NLRP14: variants seen among roughly 807,000 people sequenced by gnomAD.
NLRP14 encodes the protein NACHT, LRR and PYD domains-containing protein 14.
NLRP14 carries 105 observed loss-of-function variants against 94.7 expected under a neutral mutation model. That is an observed-to-expected ratio of 1.11 (90% CI 0.95 to 1.30). The LOEUF is 1.30. Among genes scored for constraint, NLRP14 ranks in the 50% most tolerant of loss-of-function variants. NLRP14 has a pLI of 0.00. For missense variants in NLRP14, 1,362 were observed against 1,254.1 expected, an observed-to-expected ratio of 1.09 and a Z score of -1.30; for synonymous variants, 508 against 459.9, an observed-to-expected ratio of 1.10 and a Z score of -1.34.
chr11:7,058,138 T>C (rs1852547023), intron 7 of NLRP14, 142 bp from the exon 8 acceptor site: 1 of 723,856 alleles, frequency 1.4e-6, no homozygotes, highest in East Asian at 2.6e-5. Context: ...TGCAATGGAA[T>C]TCGTAATTTA....
downstream of NLRP14, among the ~76,000 whole-genome samples, chr11:7,074,696 G>A (rs1387654283): frequency 6.6e-6 from 1 of 152,182 alleles, no homozygotes; most frequent in Non-Finnish European, 1.5e-5. Flanking sequence ...TGAGGCATAA[G>A]TCTCAAATCA....
At chr11:7,037,708 G>A (rs1158930176) in intron 1 of NLRP14, among the ~76,000 whole-genome samples, 1 of 152,190 alleles carries the variant, frequency 6.6e-6, no homozygotes, top group Non-Finnish European at 1.5e-5. Flanking sequence ...AACTGTCACC[G>A]AGTAAGGGCA....
chr11:7,081,698 G>A, the NLRP14 span, among the ~76,000 whole-genome samples: 2 of 152,198 alleles, frequency 1.3e-5, no homozygotes, highest in African/African-American at 4.8e-5. Flanking sequence ...AAGGAAGGGG[G>A]AAAAGTGTAC....
downstream of NLRP14, among the ~76,000 whole-genome samples, chr11:7,076,193 T>G (rs989686938): frequency 1.3e-5 from 2 of 152,142 alleles, no homozygotes; most frequent in African/African-American, 2.4e-5. Flanking sequence ...GTTACTAAGT[T>G]TTTTTGTATC....
At position 7,049,759 on chromosome 11, in the gene NLRP14, G is replaced by A. The variant is rs766061000; in HGVS notation, c.2212G>A (p.Gly738Arg). The A allele has an allele frequency of 3.7e-6, 6 of 1,610,578 alleles. No individual in the cohort carries two copies. In the East Asian group the frequency reaches 1.3e-4, roughly 36 times the overall value. ...NKNLMHLDLK[G>R]SDIGDNGVKS... Reference sequence around the variant, plus strand: ...GAATCTGATGCATCTTGACCTAAAAGGGAGTGATATAGGGGATAATGGAGT... The same window carrying A: ...GAATCTGATGCATCTTGACCTAAAAAGGAGTGATATAGGGGATAATGGAGT... Residue 738 changes from glycine (G) to arginine (R), a missense_variant, in exon 6 of 12, where the codon GGG (glycine) becomes AGG (arginine). Gly to Arg is a moderately radical substitution (Grantham distance 125, BLOSUM62 -2). Coordinates refer to ENST00000299481, the MANE Select transcript of NLRP14 (RefSeq NM_176822.4).
chr11:7,032,600 T>G (rs1852113681), intron 1 of NLRP14, among the ~76,000 whole-genome samples: 2 of 152,218 alleles, frequency 1.3e-5, no homozygotes, highest in Admixed American at 1.3e-4. Context: ...TTTTAAAGCT[T>G]ATTTTTGTCA....
chr11:7,039,691 G>A (rs751640078), intron 2 of NLRP14, 23 bp from the exon 3 acceptor site: 2 of 1,587,550 alleles, frequency 1.3e-6, no homozygotes, highest in East Asian at 4.5e-5. Context: ...TAAATATCAT[G>A]ATCCTATCGG....
At chr11:7,086,464 C>G in the NLRP14 span, among the ~76,000 whole-genome samples, 1 of 152,316 alleles carries the variant, frequency 6.6e-6, no homozygotes, top group South Asian at 2.1e-4. Flanking sequence ...AGGTTTTATT[C>G]TATACTGTGT....
rs896146777 is a variant in NLRP14 at position 7,038,832 on chromosome 11, G to C, written c.246G>C (p.Met82Ile). The C allele has an allele frequency of 1.2e-6, 2 of 1,613,170 alleles. No homozygotes were observed. The highest frequency in any genetic ancestry group is 4.5e-5 in the East Asian group (2 of 44,874). The change falls in exon 2 of 12, where the codon ATG (methionine) becomes ATC (isoleucine). Residue 82 changes from methionine (M) to isoleucine (I), a missense_variant. Transcript: ENST00000299481. Reference protein sequence around the residue: ...WSVSLKIFGKMNLKDLCERAK... With the variant: ...WSVSLKIFGKINLKDLCERAK... Reference sequence around the variant, plus strand: ...TGTCTCTCAAAATCTTTGGCAAGATGAACCTGAAGGATCTGTGTGAGAGAG... The same window carrying C: ...TGTCTCTCAAAATCTTTGGCAAGATCAACCTGAAGGATCTGTGTGAGAGAG...
chr11:7,077,915 G>T, the NLRP14 span, among the ~76,000 whole-genome samples: 4 of 151,566 alleles, frequency 2.6e-5, no homozygotes, highest in East Asian at 7.7e-4. Flanking sequence ...AATTTATAGA[G>T]ACAGAAGAAT....
intron 6 of NLRP14, among the ~76,000 whole-genome samples, chr11:7,055,060 T>C (rs1393828437): frequency 2.6e-5 from 4 of 152,158 alleles, no homozygotes; most frequent in Non-Finnish European, 5.9e-5. Flanking sequence ...CTAAAGAGAC[T>C]GTCCTTTCCA....
At chr11:7,077,161 C>T in the NLRP14 span, among the ~76,000 whole-genome samples, 2 of 152,236 alleles carry the variant, frequency 1.3e-5, no homozygotes, top group East Asian at 3.9e-4. Context: ...AATCAGCTCT[C>T]AGGCCCTGAC....
rs1312899696 is a variant in NLRP14 at position 7,062,468 on chromosome 11, T to G, written c.2940T>G (p.Ala980=). Residue 980 remains alanine, a synonymous_variant, in exon 10 of 12, where the codon GCT becomes GCG. Transcript: ENST00000299481. ...ATGGAGTGAAAATTCTGTGTGATGC[T>G]TTGAGATATCCAAACTGTAACATTC... The part of the protein sequence containing the change: ...QDDGVKILCD[A]LRYPNCNIQR... 6.2e-7 allele frequency: 1 copy of G among 1,613,058 alleles called. No homozygotes were observed. Among genetic ancestry groups the G allele is most frequent in the Non-Finnish European group, 8.5e-7 (1 of 1,179,364 alleles).
chr11:7,084,699 T>C, the NLRP14 span, among the ~76,000 whole-genome samples: 1 of 152,212 alleles, frequency 6.6e-6, no homozygotes, highest in Admixed American at 6.5e-5. Flanking sequence ...TGTTCATCTG[T>C]ATCTTTTATC....
In NLRP14 at chr11:7,064,347, A is replaced by G. The variant is rs140364147; in HGVS notation, c.2975+1844A>G. 1.0e-3 allele frequency among the ~76,000 whole-genome samples: 153 copies of G among 152,244 alleles called. 2 individuals are homozygous for G. The highest frequency in any genetic ancestry group is 9.8e-3 in the East Asian group (51 of 5,188). ...CTATTTTCATAGTATATAGACAGGC[A>G]TGACAAACCAGGCCGAGGGTCAGTC... On this transcript the variant is annotated intron_variant, in intron 10 of 11. Transcript: ENST00000299481.
At chr11:7,039,824 CAA>C (rs1491457374) in intron 3 of NLRP14, 39 bp downstream of exon 3, 1 of 1,491,954 alleles carries the variant, frequency 6.7e-7, no homozygotes, top group South Asian at 1.1e-5. Context: ...GGGAGGCATT[CAA>C]AGTTTTGATA....
rs570420183 is a variant in NLRP14 at position 7,040,360 on chromosome 11, T to C, written c.361+575T>C. Among the ~76,000 whole-genome samples, 4 of 152,360 alleles carry C rather than the reference T, an allele frequency of 2.6e-5. No homozygotes were observed. In the South Asian group the frequency reaches 8.3e-4, roughly 32 times the overall value. On this transcript the variant is annotated intron_variant, in intron 3 of 11. Transcript: ENST00000299481. ...CAGATCAGCAGCTGCTTTAGTCTCA[T>C]AGGAGCACGAACCCTATTGTGAACT...
chr11:7,041,174 C>T (rs1055524542), intron 3 of NLRP14, among the ~76,000 whole-genome samples: 1 of 152,040 alleles, frequency 6.6e-6, no homozygotes, highest in African/African-American at 2.4e-5. Flanking sequence ...TTTCTTCTCC[C>T]TGCCTGGCCA....
chr11:7,042,591 A>T lies in NLRP14; in HGVS notation c.565A>T (p.Lys189Ter). The T allele has an allele frequency of 6.2e-7, 1 of 1,614,242 alleles. No homozygotes were observed. The highest frequency in any genetic ancestry group is 2.2e-5 in the East Asian group (1 of 44,884). ...GCTTCAGGGAGCTGCTGGAGTTGGGAAAACAACCTTGGTGAGAAAGGCAAT... is the reference window on the plus strand; with the variant it reads ...GCTTCAGGGAGCTGCTGGAGTTGGGTAAACAACCTTGGTGAGAAAGGCAAT... ...VVLQGAAGVG[K>*]TTLVRKAMLD... Residue 189 changes from lysine (K) to a stop codon, truncating the protein, a stop_gained, in exon 4 of 12, where the codon AAA (lysine) becomes TAA (stop). Transcript: ENST00000299481. LOFTEE classifies it high-confidence loss of function.
Sources: allele counts gnomAD v4.1 joint callset (sites outside exome capture counted in the v4.1 genomes callset), GRCh38; gene constraint gnomAD v4.1.1; transcripts MANE v1.5; gene names NCBI Gene and HGNC (gene_info 2026-07-23, HGNC 2026-07-21).